The following GRM7 variants were observed in gnomAD, a reference collection of about 807,000 sequenced individuals.
GRM7 encodes the protein glutamate metabotropic receptor 7, also known as metabotropic glutamate receptor 7.
Under a neutral mutation model 84.5 loss-of-function variants are expected in GRM7, and 35 were observed. That is an observed-to-expected ratio of 0.41 (90% CI 0.32 to 0.55). The LOEUF is 0.55. Among genes scored for constraint, GRM7 ranks in the 20% least tolerant of loss-of-function variants. GRM7 has a pLI of 0.19. For missense variants in GRM7, 1,003 were observed against 1,194.6 expected, an observed-to-expected ratio of 0.84 and a Z score of 2.36; for synonymous variants, 487 against 455.1, an observed-to-expected ratio of 1.07 and a Z score of -0.89.
chr3:7,095,677 A>C (rs1698830574), intron 1 of GRM7, among the ~76,000 whole-genome samples: 1 of 152,176 alleles, frequency 6.6e-6, no homozygotes, highest in Non-Finnish European at 1.5e-5. Context: ...TGGAATACAG[A>C]GATGACATAA....
intron 3 of GRM7, among the ~76,000 whole-genome samples, chr3:7,302,548 T>C (rs1000479861): frequency 6.6e-6 from 1 of 152,152 alleles, no homozygotes; most frequent in Non-Finnish European, 1.5e-5. Context: ...TTAATAAAAA[T>C]TGTATGTCGT....
intron 8 of GRM7, among the ~76,000 whole-genome samples, chr3:7,678,690 C>A (rs996327376): frequency 6.6e-6 from 1 of 152,092 alleles, no homozygotes; most frequent in Non-Finnish European, 1.5e-5. Context: ...TCCTTTTAAC[C>A]GTTTGGAGAC....
chr3:7,602,754 G>A (rs1193690809), intron 8 of GRM7, among the ~76,000 whole-genome samples: 1 of 152,146 alleles, frequency 6.6e-6, no homozygotes, highest in Non-Finnish European at 1.5e-5. Context: ...AATTCTCTAA[G>A]GTAGGCTGGT....
intron 8 of GRM7, among the ~76,000 whole-genome samples, chr3:7,604,966 A>G (rs1696493776): frequency 6.6e-6 from 1 of 152,230 alleles, no homozygotes; most frequent in South Asian, 2.1e-4. Flanking sequence ...ATATTAGGCT[A>G]ACATCAATAA....
intron 8 of GRM7, among the ~76,000 whole-genome samples, chr3:7,631,831 C>T (rs558593800): frequency 6.6e-6 from 1 of 151,954 alleles, no homozygotes; most frequent in African/African-American, 2.4e-5. Context: ...TGACCTAGGC[C>T]GTAATACAGA....
intron 1 of GRM7, among the ~76,000 whole-genome samples, chr3:6,896,489 A>AT (rs1696186821): frequency 6.6e-6 from 1 of 152,186 alleles, no homozygotes; most frequent in Admixed American, 6.5e-5. Flanking sequence ...ATTAACTGCA[A>AT]TTCAGTCTGC....
intron 1 of GRM7, among the ~76,000 whole-genome samples, chr3:6,897,186 C>T (rs1227299546): frequency 1.3e-5 from 2 of 152,128 alleles, no homozygotes; most frequent in African/African-American, 2.4e-5. Flanking sequence ...AAGTTCTGTA[C>T]CTCATACTAT....
chr3:7,649,335 C>A (rs1034013923), intron 8 of GRM7, among the ~76,000 whole-genome samples: 2 of 152,056 alleles, frequency 1.3e-5, no homozygotes, highest in African/African-American at 2.4e-5. Flanking sequence ...TCCCAAAGTG[C>A]TGGGATTACA....
chr3:7,069,073 A>ATC (rs1055185333), intron 1 of GRM7, among the ~76,000 whole-genome samples: 7 of 150,760 alleles, frequency 4.6e-5, no homozygotes, highest in African/African-American at 1.7e-4. Context: ...ATATATATAT[A>ATC]TCATATATTA....
intron 8 of GRM7, among the ~76,000 whole-genome samples, chr3:7,635,857 A>G (rs958576603): frequency 6.6e-6 from 1 of 151,862 alleles, no homozygotes; most frequent in Non-Finnish European, 1.5e-5. Context: ...AGAATATTTT[A>G]TACAGATAGG....
At chr3:7,372,984 G>A (rs1694201892) in intron 4 of GRM7, among the ~76,000 whole-genome samples, 1 of 152,042 alleles carries the variant, frequency 6.6e-6, no homozygotes, top group South Asian at 2.1e-4. Context: ...CATAGTTCAA[G>A]TTGCCATTTA....
At chr3:7,040,203 C>A (rs764089837) in intron 1 of GRM7, among the ~76,000 whole-genome samples, 1 of 152,298 alleles carries the variant, frequency 6.6e-6, no homozygotes, top group South Asian at 2.1e-4. Context: ...AGCGTCTCTA[C>A]AACATAGCTG....
Position 7,578,641 on chromosome 3 carries a change from A to G in GRM7, c.1735A>G (p.Ile579Val). ...PNENRTGCQD[I>V]PIIKLEWHSP... ...TGAAAATCGAACCGGATGCCAGGAT[A>G]TTCCCATCATCAAACTGGAGTGGCA... Residue 579 changes from isoleucine (I) to valine (V), a missense_variant, in exon 8 of 10, where the codon ATT becomes GTT. Ile to Val is a conservative substitution (Grantham distance 29). Around this residue, in one of 2 missense-constraint regions of GRM7, gnomAD observed 910 missense variants for 1,126.0 expected, o/e 0.81. Coordinates refer to ENST00000357716, the MANE Select transcript of GRM7 (RefSeq NM_000844.4). 1.9e-6 allele frequency: 3 copies of G among 1,613,934 alleles called. No homozygotes were observed. The highest frequency in any genetic ancestry group is 8.5e-7 in the Non-Finnish European group (1 of 1,179,874).
chr3:7,031,045 G>T (rs1696165338), intron 1 of GRM7, among the ~76,000 whole-genome samples: 1 of 152,020 alleles, frequency 6.6e-6, no homozygotes, highest in African/African-American at 2.4e-5. Flanking sequence ...TTTTTATAAG[G>T]CATATTCATA....
intron 1 of GRM7, among the ~76,000 whole-genome samples, chr3:7,093,720 T>G (rs1574892871): frequency 1.6e-5 from 2 of 127,788 alleles, no homozygotes; most frequent in African/African-American, 3.0e-5. Context: ...AAAAAGGTAG[T>G]TAGTGGCCTT....
At chr3:7,517,633 A>G (rs527640621) in intron 7 of GRM7, among the ~76,000 whole-genome samples, 6 of 152,188 alleles carry the variant, frequency 3.9e-5, no homozygotes, top group Non-Finnish European at 7.4e-5. Context: ...ACCTCAAGCA[A>G]TCACCTGTCT....
chr3:7,617,283 TG>T (rs1329373745), intron 8 of GRM7, among the ~76,000 whole-genome samples: 1 of 152,148 alleles, frequency 6.6e-6, no homozygotes, highest in African/African-American at 2.4e-5. Context: ...TGAGAAAGTT[TG>T]GTTTATAATA....
In GRM7 at chr3:6,863,618, G is replaced by A. The variant is rs1445479404; in HGVS notation, c.519+1711G>A. Reference sequence around the variant, plus strand: ...GTTCCTTGCTTTTGGGAAGAACCTGGCTTGTAGCTGAAACCCAGAGCCCTT... The same window carrying A: ...GTTCCTTGCTTTTGGGAAGAACCTGACTTGTAGCTGAAACCCAGAGCCCTT... On this transcript the variant is annotated intron_variant, in intron 1 of 9. Transcript: ENST00000357716. This position sits in a 1 kb window ranked among gnomAD's most constrained non-coding sequence, Gnocchi z 4.8. Among the ~76,000 whole-genome samples the A allele has an allele frequency of 6.6e-6, 1 of 152,140 alleles. No individual in the cohort carries two copies. Among genetic ancestry groups the A allele is most frequent in the Non-Finnish European group, 1.5e-5 (1 of 68,034 alleles).
intron 9 of GRM7, among the ~76,000 whole-genome samples, chr3:7,695,465 G>A (rs1351919683): frequency 1.3e-5 from 2 of 152,116 alleles, no homozygotes; most frequent in African/African-American, 4.8e-5. Flanking sequence ...AAGAGATTAT[G>A]ATTTTTAAAT....
Sources: allele counts gnomAD v4.1 joint callset (sites outside exome capture counted in the v4.1 genomes callset), GRCh38; gene constraint gnomAD v4.1.1; regional missense constraint gnomAD v4.1.1; non-coding constraint Gnocchi (gnomAD v3.1); transcripts MANE v1.5; gene names NCBI Gene and HGNC (gene_info 2026-07-23, HGNC 2026-07-21).